The following SNX17 variants were observed in gnomAD, a reference collection of about 807,000 sequenced individuals.
The protein encoded by SNX17 is sorting nexin-17.
SNX17 carries 35 observed loss-of-function variants against 64.3 expected under a neutral mutation model. That is an observed-to-expected ratio of 0.54 (90% CI 0.42 to 0.72). The LOEUF is 0.72. Among genes scored for constraint, SNX17 ranks in the 30% least tolerant of loss-of-function variants. The pLI is 0.00. For synonymous variants in SNX17, 259 were observed against 230.2 expected, an observed-to-expected ratio of 1.13 and a Z score of -1.13; for missense variants, 538 against 610.0, an observed-to-expected ratio of 0.88 and a Z score of 1.24.
intron 2 of SNX17, 79 bp downstream of exon 2, chr2:27,371,422 C>T (rs895551101): frequency 1.3e-6 from 2 of 1,516,244 alleles, no homozygotes; most frequent in Non-Finnish European, 8.8e-7. Flanking sequence ...TTTACCCGCT[C>T]TTCTTGTTCC....
intron 4 of SNX17, 24 bp downstream of exon 4, chr2:27,373,335 AT>A (rs774142511): frequency 1.1e-4 from 173 of 1,613,222 alleles, no homozygotes; most frequent in Non-Finnish European, 1.4e-4. Flanking sequence ...TGGGACCAAG[AT>A]TTAAGGAAAG....
In SNX17 at chr2:27,375,103, G is replaced by A. The variant is rs749172672; in HGVS notation, c.724G>A (p.Glu242Lys). Residue 242 changes from glutamate (E) to lysine (K), a missense_variant, in exon 9 of 15, where the codon GAA (glutamate) becomes AAA (lysine). Transcript: ENST00000233575. The surrounding 1 kb of genome is among the most constrained non-coding windows in gnomAD (Gnocchi z 4.1). ...GCGTGGGTGGATCTTGGTCACCAAGGAACAGCACCGGCAACTCAAATCTCT... is the reference window on the plus strand; with the variant it reads ...GCGTGGGTGGATCTTGGTCACCAAGAAACAGCACCGGCAACTCAAATCTCT... ...IERGWILVTK[E>K]QHRQLKSLQE... 2 of 1,614,096 alleles carry A rather than the reference G, an allele frequency of 1.2e-6. No homozygotes were observed. The highest frequency in any genetic ancestry group is 1.7e-5 in the Admixed American group (1 of 60,004).
intron 3 of SNX17, chr2:27,372,986 G>C: frequency 6.8e-7 from 1 of 1,472,816 alleles, no homozygotes; most frequent in Non-Finnish European, 9.3e-7. Context: ...TCAGTGGAGA[G>C]AACTTAATTT....
At position 27,376,954 on chromosome 2, in the gene SNX17, T is replaced by C; in HGVS notation, c.*235T>C. On this transcript the variant is annotated 3_prime_UTR_variant, in exon 15 of 15. Transcript: ENST00000233575. ...CCCTCGATGCCAAATTAGCATTTAG[T>C]ATTTTGCACAAAGTCTAAGGGACCA... 1.8e-6 allele frequency: 1 copy of C among 548,338 alleles called. No homozygotes were observed. The highest frequency in any genetic ancestry group is 2.1e-5 in the South Asian group (1 of 48,510). The allele number at this position is 548,338 out of a possible 1,614,324, so 34.0% of individuals were successfully genotyped here.
Position 27,375,886 on chromosome 2 carries a change from G to T in SNX17, c.1019G>T (p.Gly340Val). 6.2e-7 allele frequency: 1 copy of T among 1,614,180 alleles called. No homozygotes were observed. ...PSGSTSSPGR[G>V]RGEVRLELAF... ...GGAAGCACGAGCAGCCCAGGCCGGG[G>T]CCGGGGTGAGGTGCGCCTGGAACTG... is the stretch of plus-strand genomic sequence containing the variant. The change falls in exon 11 of 15, where the codon GGC (glycine) becomes GTC (valine). Residue 340 changes from glycine to valine, a missense_variant. Physicochemically the swap from Gly to Val is moderately radical, Grantham distance 109. Coordinates refer to ENST00000233575, the MANE Select transcript of SNX17 (RefSeq NM_014748.4). The surrounding 1 kb of genome is among the most constrained non-coding windows in gnomAD (Gnocchi z 4.1).
intron 2 of SNX17, 174 bp downstream of exon 2, chr2:27,371,517 A>G (rs752958498): frequency 1.0e-4 from 139 of 1,325,628 alleles, no homozygotes; most frequent in Non-Finnish European, 1.3e-4. Context: ...CTCCCTAAGA[A>G]GCTTAATGTC....
chr2:27,373,376 T>G (rs1682833835), intron 4 of SNX17, 65 bp downstream of exon 4: 16 of 1,550,094 alleles, frequency 1.0e-5, no homozygotes, highest in Non-Finnish European at 1.4e-5. Flanking sequence ...GTCTTTTATT[T>G]TTTTGAGACA....
Position 27,375,351 on chromosome 2 carries a change from G to A in SNX17, c.775-155G>A, listed in dbSNP as rs1238001217. On this transcript the variant is annotated intron_variant, in intron 9 of 14. Transcript: ENST00000233575. The surrounding 1 kb of genome is among the most constrained non-coding windows in gnomAD (Gnocchi z 4.1). The stretch of plus-strand genomic sequence containing the variant: ...GACAGGGTTTCACCATGTTAGCCAG[G>A]ATGGTCTTGAGCTCCTGACCTTGTG... Among the ~76,000 whole-genome samples the A allele has an allele frequency of 6.6e-6, 1 of 152,154 alleles. No homozygotes were observed. The highest frequency in any genetic ancestry group is 1.5e-5 in the Non-Finnish European group (1 of 68,024).
chr2:27,377,437 CTGGTCCTTATAGTGCCTACGTTAGTCTG>C lies in SNX17; in HGVS notation c.*721_*748del, dbSNP rs1558310171. 7.8e-7 allele frequency: 1 copy of C among 1,275,548 alleles called. No homozygotes were observed. The highest frequency in any genetic ancestry group is 1.2e-5 in the South Asian group (1 of 81,218). The allele number at this position is 1,275,548 out of a possible 1,614,324, so 79.0% of individuals were successfully genotyped here. On this transcript the variant is annotated 3_prime_UTR_variant, in exon 15 of 15. Transcript: ENST00000233575. This position sits in a 1 kb window ranked among gnomAD's most constrained non-coding sequence, Gnocchi z 4.4. ...GGGCCCCCCCGCCCATGGGGTTGGGCTGGTCCTTATAGTGCCTACGTTAGTCTGTGTGGAGCCCCTGGCCAGCGGGGGA... is the reference window on the plus strand; with the variant it reads ...GGGCCCCCCCGCCCATGGGGTTGGGCTGTGGAGCCCCTGGCCAGCGGGGGA...
In SNX17 at chr2:27,374,767, G is replaced by C; in HGVS notation, c.681+9G>C. 1 of 1,613,540 alleles carries C rather than the reference G, an allele frequency of 6.2e-7. No homozygotes were observed. The highest frequency in any genetic ancestry group is 8.5e-7 in the Non-Finnish European group (1 of 1,179,458). On this transcript the variant is annotated intron_variant, in intron 8 of 14. Coordinates refer to ENST00000233575, the MANE Select transcript of SNX17 (RefSeq NM_014748.4). Reference sequence around the variant, plus strand: ...ACCTGCTTTATGCTCAGGTGAGCTTGGAGCTGCCTCAGAACCCTTCCCCTG... The same window carrying C: ...ACCTGCTTTATGCTCAGGTGAGCTTCGAGCTGCCTCAGAACCCTTCCCCTG...
intron 2 of SNX17, among the ~76,000 whole-genome samples, chr2:27,372,179 C>CT (rs1339259893): frequency 6.6e-6 from 1 of 152,202 alleles, no homozygotes. Flanking sequence ...CCTGTAGAAA[C>CT]TGATTTCTTT....
At position 27,375,378 on chromosome 2, in the gene SNX17, T is replaced by C; in HGVS notation, c.775-128T>C. The C allele has an allele frequency of 1.0e-6, 1 of 978,136 alleles. No individual in the cohort carries two copies. 60.6% of individuals were successfully genotyped at this position (978,136 alleles called of 1,614,324 possible). ...TGGTCTTGAGCTCCTGACCTTGTGATCTGTCTGCCTCTGCCTCCTAAAGTG... is the reference window on the plus strand; with the variant it reads ...TGGTCTTGAGCTCCTGACCTTGTGACCTGTCTGCCTCTGCCTCCTAAAGTG... On this transcript the variant is annotated intron_variant, in intron 9 of 14. Coordinates refer to ENST00000233575, the MANE Select transcript of SNX17 (RefSeq NM_014748.4). The surrounding 1 kb of genome is among the most constrained non-coding windows in gnomAD (Gnocchi z 4.1).
At chr2:27,371,435 T>C (rs1682531223) in intron 2 of SNX17, 92 bp downstream of exon 2, 6 of 1,490,282 alleles carry the variant, frequency 4.0e-6, no homozygotes, top group Non-Finnish European at 5.3e-6. Flanking sequence ...CTTGTTCCCG[T>C]AGGCTGTAGT....
rs569390037 is a variant in SNX17, at chr2:27,377,191, T to C, written c.*472T>C. 1.5e-4 allele frequency: 69 copies of C among 466,570 alleles called. 2 individuals are homozygous for C. The highest frequency in any genetic ancestry group is 1.4e-3 in the South Asian group (66 of 48,704). The allele number at this position is 466,570 out of a possible 1,614,324, so 28.9% of individuals were successfully genotyped here. ...ACAGCATGGACTACTATGCTAAGGGTAAGGCCAAATTGCCTGCCATTGCCA... is the reference window on the plus strand; with the variant it reads ...ACAGCATGGACTACTATGCTAAGGGCAAGGCCAAATTGCCTGCCATTGCCA... On this transcript the variant is annotated 3_prime_UTR_variant, in exon 15 of 15. Coordinates refer to ENST00000233575, the MANE Select transcript of SNX17 (RefSeq NM_014748.4). The surrounding 1 kb of genome is among the most constrained non-coding windows in gnomAD (Gnocchi z 4.4).
In SNX17 at chr2:27,375,950, G is replaced by A. The variant is rs1683159718; in HGVS notation, c.1083G>A (p.Trp361Ter). 6.2e-7 allele frequency: 1 copy of A among 1,614,000 alleles called. No individual in the cohort carries two copies. The highest frequency in any genetic ancestry group is 1.3e-5 in the African/African-American group (1 of 74,902). Reference sequence around the variant, plus strand: ...TCATGAGCAAGGACCGGCTACAGTGGGTCACCATCACTAGCCCCCAGGTGT... The same window carrying A: ...TCATGAGCAAGGACCGGCTACAGTGAGTCACCATCACTAGCCCCCAGGTGT... ...EYLMSKDRLQ[W>*]VTITSPQAIM... The change falls in exon 11 of 15, where the codon TGG becomes TGA. Residue 361 changes from tryptophan (W) to a stop codon, truncating the protein, a stop_gained. Coordinates refer to ENST00000233575, the MANE Select transcript of SNX17 (RefSeq NM_014748.4). LOFTEE classifies it high-confidence loss of function. This position sits in a 1 kb window ranked among gnomAD's most constrained non-coding sequence, Gnocchi z 4.1.
Position 27,377,042 on chromosome 2 carries a change from A to G in SNX17, c.*323A>G, listed in dbSNP as rs774392761. The G allele has an allele frequency of 1.3e-4, 53 of 416,118 alleles. No homozygotes were observed. The highest frequency in any genetic ancestry group is 2.1e-4 in the Non-Finnish European group (48 of 224,020). The allele number at this position is 416,118 out of a possible 1,614,324, so 25.8% of individuals were successfully genotyped here. A position where few individuals can be genotyped will look rare whatever the true frequency, so the allele number is the denominator to read the frequency against. On this transcript the variant is annotated 3_prime_UTR_variant, in exon 15 of 15. Coordinates refer to ENST00000233575, the MANE Select transcript of SNX17 (RefSeq NM_014748.4). This position sits in a 1 kb window ranked among gnomAD's most constrained non-coding sequence, Gnocchi z 4.4. ...GGGCCGCTTCTGGCCTCTTGGAGCC[A>G]TGGGCCAAAGGCCAAGGGGATGGGC...
intron 4 of SNX17, 39 bp from the exon 5 acceptor site, chr2:27,373,822 C>A: frequency 6.6e-7 from 1 of 1,511,396 alleles, no homozygotes. Context: ...AGGCAAGGGA[C>A]AAGGCAGTGC....
In SNX17 at chr2:27,375,858, A is replaced by AGTG; in HGVS notation, c.993_995dup (p.Gly332dup). The AGTG allele has an allele frequency of 6.2e-7, 1 of 1,614,088 alleles. No homozygotes were observed. The highest frequency in any genetic ancestry group is 8.5e-7 in the Non-Finnish European group (1 of 1,180,010). ...CTTCCTCTCCCAGGTACCATTGCCCAGTGGAAGCACGAGCAGCCCAGGCCG... is the reference window on the plus strand; with the variant it reads ...CTTCCTCTCCCAGGTACCATTGCCCAGTGGTGGAAGCACGAGCAGCCCAGGCCG... On this transcript the variant is annotated inframe_insertion, in exon 11 of 15. Transcript: ENST00000233575. This position sits in a 1 kb window ranked among gnomAD's most constrained non-coding sequence, Gnocchi z 4.1.
In SNX17 at chr2:27,375,433, C is replaced by T. The variant is rs749850988; in HGVS notation, c.775-73C>T. 2.6e-4 allele frequency: 407 copies of T among 1,547,730 alleles called. No homozygotes were observed. Among genetic ancestry groups the T allele is most frequent in the South Asian group, 1.5e-3 (132 of 89,376 alleles). Reference sequence around the variant, plus strand: ...GATTATAGGCATGAGCCACCGCGCCCGACCGGGGTTGCTTTTTCTGAGCTG... The same window carrying T: ...GATTATAGGCATGAGCCACCGCGCCTGACCGGGGTTGCTTTTTCTGAGCTG... On this transcript the variant is annotated intron_variant, in intron 9 of 14. Transcript: ENST00000233575. The surrounding 1 kb of genome is among the most constrained non-coding windows in gnomAD (Gnocchi z 4.1).
Sources: gnomAD v4.1 joint callset for allele counts (sites outside exome capture counted in the v4.1 genomes callset) on GRCh38, gnomAD v4.1.1 for gene constraint, Gnocchi (gnomAD v3.1) non-coding constraint, MANE v1.5 for transcripts, NCBI Gene and HGNC (gene_info 2026-07-23, HGNC 2026-07-21) for gene names.